DAB2IP: variants seen among roughly 807,000 people sequenced by gnomAD.
The protein encoded by DAB2IP is DAB2 interacting protein.
Under a neutral mutation model 107.2 loss-of-function variants are expected in DAB2IP, and 28 were observed. The observed-to-expected ratio is 0.26, with a 90% CI of 0.19 to 0.36. DAB2IP has a LOEUF of 0.36. Among genes scored for constraint, DAB2IP ranks in the 10% least tolerant of loss-of-function variants. The pLI is 1.00. For synonymous variants in DAB2IP, 755 were observed against 706.4 expected, an observed-to-expected ratio of 1.07 and a Z score of -1.09; for missense variants, 1,400 against 1,644.7, an observed-to-expected ratio of 0.85 and a Z score of 2.57.
At chr9:121,641,892 C>CCTTTCTTTCT (rs1554718107) in intron 1 of DAB2IP, among the ~76,000 whole-genome samples, 3 of 89,332 alleles carry the variant, frequency 3.4e-5, no homozygotes, top group Non-Finnish European at 4.2e-5. Flanking sequence ...CATTTCTTTC[C>CCTTTCTTTCT]CTTTCTTTCT....
At chr9:121,608,155 A>T (rs1344329454) in intron 1 of DAB2IP, among the ~76,000 whole-genome samples, 5 of 152,206 alleles carry the variant, frequency 3.3e-5, no homozygotes, top group Non-Finnish European at 5.9e-5. Flanking sequence ...GTCACACTTG[A>T]CGCTGTGCAG....
rs184115635 is a variant in DAB2IP, at chr9:121,659,447, T to C, written c.124+7548T>C. 4.9e-3 allele frequency among the ~76,000 whole-genome samples: 740 copies of C among 152,236 alleles called. 7 individuals carry two copies. The highest frequency in any genetic ancestry group is 0.016 in the African/African-American group (675 of 41,554). The stretch of plus-strand genomic sequence containing the variant: ...TGTAACAGATAGATATGATGCAGCA[T>C]AGGGTGTCATTATAGGCCAGGAGAA... On this transcript the variant is annotated intron_variant, in intron 1 of 15. Transcript: ENST00000408936.
chr9:121,682,193 A>T (rs1361008291), intron 2 of DAB2IP, among the ~76,000 whole-genome samples: 1 of 152,136 alleles, frequency 6.6e-6, no homozygotes, highest in East Asian at 1.9e-4. Context: ...GGCTCCCAAA[A>T]GCTATGTCCT....
At chr9:121,781,360 C>T in intron 14 of DAB2IP, 104 bp from the exon 15 acceptor site, 1 of 1,121,520 alleles carries the variant, frequency 8.9e-7, no homozygotes, top group Non-Finnish European at 1.3e-6. Flanking sequence ...AGGGGCTCTC[C>T]TAGTGTGTCC....
At chr9:121,624,440 T>G (rs939337818) in intron 1 of DAB2IP, among the ~76,000 whole-genome samples, 7 of 152,268 alleles carry the variant, frequency 4.6e-5, no homozygotes, top group Admixed American at 3.9e-4. Context: ...ATCACTTCTC[T>G]GAGGCTCAGT....
chr9:121,709,939 T>C lies in DAB2IP; in HGVS notation c.362+10481T>C, dbSNP rs1334251804. ...TTAGCTGACATGGCTGGGCACATCC[T>C]ATGCGCCAGGCCCTGCTCTCTACAC... On this transcript the variant is annotated intron_variant, in intron 3 of 15. Coordinates refer to ENST00000408936, the Ensembl canonical transcript of DAB2IP. 5.3e-5 allele frequency among the ~76,000 whole-genome samples: 8 copies of C among 152,312 alleles called. No homozygotes were observed. The East Asian group carries it at 5.8e-4, about 11-fold the overall frequency.
intron 3 of DAB2IP, among the ~76,000 whole-genome samples, chr9:121,737,016 G>A (rs988758898): frequency 1.3e-5 from 2 of 152,232 alleles, no homozygotes; most frequent in African/African-American, 4.8e-5. Flanking sequence ...ACGGGACTTT[G>A]GGTCTGAGAC....
At chr9:121,611,654 G>C (rs1260992558) in intron 1 of DAB2IP, among the ~76,000 whole-genome samples, 1 of 151,718 alleles carries the variant, frequency 6.6e-6, no homozygotes, top group African/African-American at 2.4e-5. Context: ...GTGTGATTTC[G>C]GCTCACTGCA....
chr9:121,636,725 T>C (rs932039058), intron 1 of DAB2IP, among the ~76,000 whole-genome samples: 3 of 152,226 alleles, frequency 2.0e-5, no homozygotes, highest in African/African-American at 7.2e-5. Flanking sequence ...GCCAGTCCCA[T>C]GTCAGCCTGG....
intron 2 of DAB2IP, among the ~76,000 whole-genome samples, chr9:121,689,764 C>T (rs367769922): frequency 2.0e-5 from 3 of 152,226 alleles, no homozygotes; most frequent in Non-Finnish European, 2.9e-5. Context: ...ACTCCCCCCC[C>T]ATGTGTTGTC....
chr9:121,676,360 C>T (rs1469798350), intron 1 of DAB2IP, among the ~76,000 whole-genome samples: 1 of 152,182 alleles, frequency 6.6e-6, no homozygotes, highest in Non-Finnish European at 1.5e-5. Context: ...TGCGCACGTC[C>T]CCTGCTCAGT....
At chr9:121,719,146 C>T (rs565513176) in intron 3 of DAB2IP, among the ~76,000 whole-genome samples, 113 of 152,204 alleles carry the variant, frequency 7.4e-4, no homozygotes, top group Non-Finnish European at 1.3e-3. Flanking sequence ...CAAAGTGGAG[C>T]ACATGACCAA....
chr9:121,632,020 G>C (rs1301199902), intron 1 of DAB2IP, among the ~76,000 whole-genome samples: 2 of 151,976 alleles, frequency 1.3e-5, no homozygotes, highest in Non-Finnish European at 2.9e-5. Flanking sequence ...GGAATGTGGA[G>C]AGCTGAACTG....
intron 3 of DAB2IP, among the ~76,000 whole-genome samples, chr9:121,740,555 A>G (rs1832267783): frequency 6.6e-6 from 1 of 152,078 alleles, no homozygotes; most frequent in South Asian, 2.1e-4. Context: ...GAAGTTTGAG[A>G]TGTTTTACAC....
At chr9:121,621,875 G>A (rs1426851545) in intron 1 of DAB2IP, among the ~76,000 whole-genome samples, 1 of 150,090 alleles carries the variant, frequency 6.7e-6, no homozygotes, top group Admixed American at 6.7e-5. Context: ...GGCTGGTCTC[G>A]AACTCCTGAC....
In DAB2IP at chr9:121,626,677, G is replaced by A. The variant is rs574982966; in HGVS notation, c.41-52001G>A. On this transcript the variant is annotated intron_variant, in intron 1 of 16. Coordinates refer to the DAB2IP transcript ENST00000259371. ...GATCTCAGGTGATCCGCCTGCCTCA[G>A]CCTCCCAAAGTGCTGGGATTACAGG... Among the ~76,000 whole-genome samples, 5 of 152,164 alleles carry A rather than the reference G, an allele frequency of 3.3e-5. 1 individual carries two copies. Among genetic ancestry groups the A allele is most frequent in the Admixed American group, 3.3e-4 (5 of 15,274 alleles).
Position 121,720,457 on chromosome 9 carries a change from C to T in DAB2IP, c.362+20999C>T, listed in dbSNP as rs918088551. ...ATGATTCACAGAGCTCCTCCCAGTCCCCTTAGGAGTCTGATTGTCTCAGAT... is the reference window on the plus strand; with the variant it reads ...ATGATTCACAGAGCTCCTCCCAGTCTCCTTAGGAGTCTGATTGTCTCAGAT... On this transcript the variant is annotated intron_variant, in intron 3 of 15. Transcript: ENST00000408936. Among the ~76,000 whole-genome samples the T allele has an allele frequency of 1.2e-4, 19 of 152,302 alleles. No individual in the cohort carries two copies. In the Middle Eastern group the frequency reaches 0.01, roughly 82 times the overall value.
chr9:121,754,172 C>T (rs544555154), intron 3 of DAB2IP, among the ~76,000 whole-genome samples: 2 of 152,238 alleles, frequency 1.3e-5, no homozygotes, highest in Admixed American at 6.5e-5. Flanking sequence ...CTTCCTTAGC[C>T]CCCTCATCTT....
At chr9:121,770,806 G>T in intron 11 of DAB2IP, 82 bp downstream of exon 11, 1 of 1,535,638 alleles carries the variant, frequency 6.5e-7, no homozygotes. Context: ...GATGGGGAAA[G>T]AGGATGCCTA....
Sources: allele counts gnomAD v4.1 joint callset (sites outside exome capture counted in the v4.1 genomes callset), GRCh38; gene constraint gnomAD v4.1.1; transcripts MANE v1.5; gene names NCBI Gene and HGNC (gene_info 2026-07-23, HGNC 2026-07-21).